PBX1: variants seen among roughly 807,000 people sequenced by gnomAD.
The protein encoded by PBX1 is pre-B-cell leukemia transcription factor 1.
In PBX1, 6 loss-of-function variants were observed where a neutral mutation model predicts 53.4. That is an observed-to-expected ratio of 0.11 (90% CI 0.06 to 0.22). The LOEUF (loss-of-function observed/expected upper bound fraction) is 0.22. Among genes scored for constraint, PBX1 ranks in the 10% least tolerant of loss-of-function variants. The probability of loss-of-function intolerance (pLI) is 1.00; values close to 1 mark genes in which losing one functional copy is unlikely to be tolerated. For missense variants in PBX1, 251 were observed against 551.4 expected (o/e 0.46, Z 5.46); for synonymous variants, 204 against 212.3 (o/e 0.96, Z 0.34).
At position 164,847,256 on chromosome 1, in the gene PBX1, T is replaced by C; in HGVS notation, c.*580T>C. The C allele has an allele frequency of 9.4e-7, 1 of 1,066,482 alleles. No individual in the cohort carries two copies. Among genetic ancestry groups the C allele is most frequent in the Non-Finnish European group, 1.1e-6 (1 of 879,988 alleles). 66.1% of individuals were successfully genotyped at this position (1,066,482 alleles called of 1,614,324 possible). ...TCTTCCTCCCTGGGGACAGTACTGA[T>C]TGGAACACTTTCCTCCTCTTCCTTC... On this transcript the variant is annotated 3_prime_UTR_variant, in exon 9 of 9. Transcript: ENST00000420696.
At chr1:164,702,169 G>C (rs1272123621) in intron 2 of PBX1, among the ~76,000 whole-genome samples, 3 of 151,070 alleles carry the variant, frequency 2.0e-5, no homozygotes, top group Non-Finnish European at 4.4e-5. Flanking sequence ...CTGGCAGTAT[G>C]AGACAATTAC....
chr1:164,673,189 GAT>G (rs2101976872), intron 2 of PBX1, among the ~76,000 whole-genome samples: 1 of 152,118 alleles, frequency 6.6e-6, no homozygotes, highest in East Asian at 1.9e-4. Flanking sequence ...CATAGTATAT[GAT>G]ATGTTTTATA....
chr1:164,621,727 C>G (rs1048325911), intron 2 of PBX1, among the ~76,000 whole-genome samples: 4 of 152,126 alleles, frequency 2.6e-5, no homozygotes, highest in Non-Finnish European at 5.9e-5. Flanking sequence ...AGAAAAGGAT[C>G]AATGGACATA....
At chr1:164,646,588 A>G (rs59511249) in intron 2 of PBX1, among the ~76,000 whole-genome samples, 60 of 152,298 alleles carry the variant, frequency 3.9e-4, no homozygotes, top group African/African-American at 1.3e-3. Context: ...AATGCAAAAA[A>G]GACTTGGGGA....
intron 2 of PBX1, among the ~76,000 whole-genome samples, chr1:164,651,680 G>T (rs187093708): frequency 1.3e-5 from 2 of 152,132 alleles, no homozygotes; most frequent in Non-Finnish European, 2.9e-5. Context: ...AGGGGAATGA[G>T]ACAGAGAGGA....
chr1:164,813,971 A>G (rs1478338425), intron 6 of PBX1: 1 of 152,228 alleles, frequency 6.6e-6, no homozygotes, highest in East Asian at 1.9e-4. Context: ...ATTATTATGG[A>G]AAATTTGAGC....
intron 2 of PBX1, among the ~76,000 whole-genome samples, chr1:164,688,218 G>T (rs1327869116): frequency 6.6e-6 from 1 of 152,084 alleles, no homozygotes; most frequent in African/African-American, 2.4e-5. Context: ...ATCATTAACT[G>T]GAAATTACTG....
chr1:164,588,993 C>T (rs1333388408), intron 2 of PBX1, among the ~76,000 whole-genome samples: 1 of 152,178 alleles, frequency 6.6e-6, no homozygotes, highest in African/African-American at 2.4e-5. Flanking sequence ...GGCCTCTCCC[C>T]TCCTCCCCAG....
chr1:164,627,949 T>C (rs553221007), intron 2 of PBX1, among the ~76,000 whole-genome samples: 30 of 152,320 alleles, frequency 2.0e-4, no homozygotes, highest in Non-Finnish European at 3.7e-4. Context: ...CTGGAAATTA[T>C]AGTGAATAGA....
intron 2 of PBX1, among the ~76,000 whole-genome samples, chr1:164,622,658 C>T (rs1657758222): frequency 1.3e-5 from 2 of 152,104 alleles, no homozygotes; most frequent in African/African-American, 4.8e-5. Context: ...TCTTCTTGTC[C>T]TGTGAGTCCT....
chr1:164,711,908 A>T (rs1663806872), intron 2 of PBX1, among the ~76,000 whole-genome samples: 1 of 152,166 alleles, frequency 6.6e-6, no homozygotes, highest in East Asian at 1.9e-4. Context: ...GGCTGAGAGC[A>T]GGGTGGGGTG....
chr1:164,729,355 TG>T (rs1664863333), intron 2 of PBX1, among the ~76,000 whole-genome samples: 1 of 152,198 alleles, frequency 6.6e-6, no homozygotes, highest in Non-Finnish European at 1.5e-5. Context: ...TTTATCCTTG[TG>T]CTTCTTTTTT....
At chr1:164,572,199 G>A (rs868838704) in intron 2 of PBX1, among the ~76,000 whole-genome samples, 5 of 151,912 alleles carry the variant, frequency 3.3e-5, no homozygotes, top group East Asian at 1.9e-4. Flanking sequence ...GAGGCACCGC[G>A]CCCAGCCTGA....
chr1:164,831,646 C>T (rs908939828), intron 8 of PBX1, among the ~76,000 whole-genome samples: 2 of 152,146 alleles, frequency 1.3e-5, no homozygotes, highest in African/African-American at 4.8e-5. Context: ...ACCTCAGCCT[C>T]CCAAAGTGCT....
rs533522186 is a variant in PBX1, at chr1:164,691,233, C to T, written c.266-101261C>T. Reference sequence around the variant, plus strand: ...TTTCGCCATGTTGGCCAACTGGTCTCGAACTCCCGGCCTCAAGTGATCCTC... The same window carrying T: ...TTTCGCCATGTTGGCCAACTGGTCTTGAACTCCCGGCCTCAAGTGATCCTC... On this transcript the variant is annotated intron_variant, in intron 2 of 8. Coordinates refer to ENST00000420696, the MANE Select transcript of PBX1 (RefSeq NM_002585.4). 6.6e-5 allele frequency among the ~76,000 whole-genome samples: 10 copies of T among 151,948 alleles called. No homozygotes were observed. The South Asian group carries it at 1.2e-3, about 19-fold the overall frequency.
chr1:164,801,073 A>C (rs1045646940), intron 4 of PBX1, among the ~76,000 whole-genome samples: 1 of 151,398 alleles, frequency 6.6e-6, no homozygotes, highest in Non-Finnish European at 1.5e-5. Flanking sequence ...CTTTTAGTCA[A>C]TGTGTTTTGG....
chr1:164,629,747 T>C (rs1015565188), intron 2 of PBX1, among the ~76,000 whole-genome samples: 2 of 152,222 alleles, frequency 1.3e-5, no homozygotes, highest in African/African-American at 4.8e-5. Flanking sequence ...GTAGCCATAG[T>C]GGAGACCTCA....
At chr1:164,857,532 A>G (rs1378854718) in intron 2 of PBX1, among the ~76,000 whole-genome samples, 1 of 152,174 alleles carries the variant, frequency 6.6e-6, no homozygotes, top group Non-Finnish European at 1.5e-5. Context: ...ATAGCCTCTT[A>G]CCCAGGAATT....
At chr1:164,632,909 C>G (rs894753116) in intron 2 of PBX1, among the ~76,000 whole-genome samples, 1 of 152,082 alleles carries the variant, frequency 6.6e-6, no homozygotes, top group Non-Finnish European at 1.5e-5. Flanking sequence ...GTGCCTAGAT[C>G]CTAGGGTTCA....
Sources: allele counts gnomAD v4.1 joint callset (sites outside exome capture counted in the v4.1 genomes callset), GRCh38; gene constraint gnomAD v4.1.1; transcripts MANE v1.5; gene names NCBI Gene and HGNC (gene_info 2026-07-23, HGNC 2026-07-21).